UST: variants seen among roughly 807,000 people sequenced by gnomAD.
UST encodes the protein chondroitin sulfate 2-O-sulfotransferase.
In UST, 21 loss-of-function variants were observed where a neutral mutation model predicts 45.6. The observed-to-expected ratio is 0.46, with a 90% confidence interval of 0.33 to 0.66. UST has a LOEUF of 0.66. Among genes scored for constraint, UST ranks in the 30% least tolerant of loss-of-function variants. The probability of loss-of-function intolerance (pLI) is 0.02; values close to 1 mark genes in which losing one functional copy is unlikely to be tolerated. For missense variants in UST, 463 were observed against 512.4 expected, an observed-to-expected ratio of 0.90 and a Z score of 0.93; for synonymous variants, 215 against 200.6, an observed-to-expected ratio of 1.07 and a Z score of -0.61.
rs563472232 is a variant in UST, at chr6:149,032,091, C to G, written c.937+10610C>G. Among the ~76,000 whole-genome samples the G allele has an allele frequency of 6.6e-5, 10 of 152,274 alleles. 1 individual carries two copies. Among genetic ancestry groups the G allele is most frequent in the African/African-American group, 2.4e-4 (10 of 41,546 alleles). ...TCACTCACCCTGCCTTTAAGACGGC[C>G]CTACCAGAGGCAGGAGAAGGATCCG... On this transcript the variant is annotated intron_variant, in intron 7 of 7. Coordinates refer to ENST00000367463, the MANE Select transcript of UST (RefSeq NM_005715.3).
At chr6:149,040,870 G>A (rs1157795752) in intron 7 of UST, among the ~76,000 whole-genome samples, 1 of 152,064 alleles carries the variant, frequency 6.6e-6, no homozygotes, top group Non-Finnish European at 1.5e-5. Context: ...TGATCTGAAT[G>A]CATTTTCTCA....
At chr6:148,782,009 T>C (rs1053410283) in intron 1 of UST, among the ~76,000 whole-genome samples, 1 of 152,228 alleles carries the variant, frequency 6.6e-6, no homozygotes, top group Admixed American at 6.5e-5. Context: ...TTTTAATGCT[T>C]GCTAGCACAA....
At chr6:148,842,446 G>A (rs1167615739) in intron 1 of UST, among the ~76,000 whole-genome samples, 1 of 152,160 alleles carries the variant, frequency 6.6e-6, no homozygotes, top group Non-Finnish European at 1.5e-5. Flanking sequence ...ACTGGTTTTA[G>A]CTGCTTGTGT....
intron 1 of UST, among the ~76,000 whole-genome samples, chr6:148,886,527 A>G (rs12111290): frequency 0.012 from 1,874 of 152,320 alleles, 48 homozygotes; most frequent in African/African-American, 0.043. Flanking sequence ...CAATTTTAAG[A>G]CAAATTGGAG....
rs189018333 is a variant in UST, at chr6:148,959,325, C to G, written c.528-5085C>G. Among the ~76,000 whole-genome samples the G allele has an allele frequency of 1.3e-3, 201 of 152,318 alleles. 1 individual carries two copies. The highest frequency in any genetic ancestry group is 4.7e-3 in the African/African-American group (194 of 41,564). On this transcript the variant is annotated intron_variant, in intron 4 of 7. Transcript: ENST00000367463. ...TTTTTTATTCTTCTTAGCCAAGTGA[C>G]CAATTCAATTCTGTGCCCTTCAAAT...
rs540125609 is a variant in UST at position 149,041,573 on chromosome 6, G to T, written c.937+20092G>T. Among the ~76,000 whole-genome samples, 57 of 152,348 alleles carry T rather than the reference G, an allele frequency of 3.7e-4. 1 individual carries two copies. The highest frequency in any genetic ancestry group is 8.8e-5 in the Non-Finnish European group (6 of 68,040). ...ACCAGGCCTTCAGTTTAGTCATGGA[G>T]ATCCTTTCCACAGTGACACAGAGTG... On this transcript the variant is annotated intron_variant, in intron 7 of 7. Coordinates refer to ENST00000367463, the MANE Select transcript of UST (RefSeq NM_005715.3).
At chr6:148,943,994 A>T (rs1483880565) in intron 3 of UST, among the ~76,000 whole-genome samples, 2 of 152,250 alleles carry the variant, frequency 1.3e-5, no homozygotes, top group Non-Finnish European at 2.9e-5. Context: ...GTTCAACAAC[A>T]TTTAGAGAAA....
At chr6:148,989,425 A>T (rs9373583) in intron 5 of UST, among the ~76,000 whole-genome samples, 57,726 of 151,968 alleles carry the variant, frequency 0.38, 11,900 homozygotes, top group South Asian at 0.47. Flanking sequence ...CAACACTTAT[A>T]AACTGACTTA....
chr6:148,833,781 G>A (rs1777735313), intron 1 of UST, among the ~76,000 whole-genome samples: 1 of 152,112 alleles, frequency 6.6e-6, no homozygotes, highest in African/African-American at 2.4e-5. Flanking sequence ...CAACATGCAT[G>A]AATCTCAATA....
In UST at chr6:149,076,342, G is replaced by A. The variant is rs376326248; in HGVS notation, c.*2226G>A. 2.6e-5 allele frequency: 4 copies of A among 152,216 alleles called. No individual in the cohort carries two copies. Among genetic ancestry groups the A allele is most frequent in the African/African-American group, 9.7e-5 (4 of 41,450 alleles). The allele number at this position is 152,216 out of a possible 1,614,324, so 9.4% of individuals were successfully genotyped here. A position where few individuals can be genotyped will look rare whatever the true frequency, so the allele number is the denominator to read the frequency against. ...TGCAATCTCACAATCTGAAAATAAA[G>A]TTGAGTTGGCTGTGTTTTCTCTGCT... is the stretch of plus-strand genomic sequence containing the variant. On this transcript the variant is annotated 3_prime_UTR_variant, in exon 8 of 8. Coordinates refer to ENST00000367463, the MANE Select transcript of UST (RefSeq NM_005715.3).
At chr6:148,864,546 T>C (rs200774170) in intron 1 of UST, among the ~76,000 whole-genome samples, 2 of 152,176 alleles carry the variant, frequency 1.3e-5, no homozygotes, top group East Asian at 3.9e-4. Context: ...GGTACCTCAG[T>C]TGGAAATGCA....
chr6:148,754,175 T>C (rs977292807), intron 1 of UST, among the ~76,000 whole-genome samples: 1 of 152,002 alleles, frequency 6.6e-6, no homozygotes. Context: ...TTTTGTATTT[T>C]TTAGTAGAGA....
At chr6:148,989,214 CCCCCA>C (rs1397727836) in intron 5 of UST, among the ~76,000 whole-genome samples, 2 of 86,290 alleles carry the variant, frequency 2.3e-5, no homozygotes, top group African/African-American at 6.8e-5. Flanking sequence ...TAAAGGCCCC[CCCCCA>C]CCCCCCGCAA....
chr6:148,873,182 T>C (rs1172691794), intron 1 of UST, among the ~76,000 whole-genome samples: 1 of 152,208 alleles, frequency 6.6e-6, no homozygotes, highest in Non-Finnish European at 1.5e-5. Context: ...TTATATCAAA[T>C]ATTTCAAAGT....
At chr6:148,985,772 T>C (rs970904271) in intron 5 of UST, among the ~76,000 whole-genome samples, 14 of 152,278 alleles carry the variant, frequency 9.2e-5, no homozygotes, top group African/African-American at 3.4e-4. Context: ...CCTCAGAACC[T>C]AAAGCGCAAG....
At chr6:149,072,812 A>G (rs1416376860) in intron 7 of UST, among the ~76,000 whole-genome samples, 2 of 152,218 alleles carry the variant, frequency 1.3e-5, no homozygotes, top group East Asian at 3.8e-4. Flanking sequence ...AAGATAGAAC[A>G]TGGATTAGAG....
chr6:148,865,664 T>TTGTGTGTG (rs56252604), intron 1 of UST, among the ~76,000 whole-genome samples: 16 of 117,906 alleles, frequency 1.4e-4, no homozygotes, highest in African/African-American at 4.2e-4. Context: ...CTTGCTGAAA[T>TTGTGTGTG]TGTGTGTGTG....
rs559976661 is a variant in UST, at chr6:148,751,410, A to C, written c.247+3733A>C. Among the ~76,000 whole-genome samples, 7 of 152,302 alleles carry C rather than the reference A, an allele frequency of 4.6e-5. No individual in the cohort carries two copies. The South Asian group carries it at 1.2e-3, about 27-fold the overall frequency. On this transcript the variant is annotated intron_variant, in intron 1 of 7. Coordinates refer to ENST00000367463, the MANE Select transcript of UST (RefSeq NM_005715.3). ...GTGAGGAGTAGGCTGACGTGGGGCA[A>C]CCGGAAAGCATAGTGTGGGGAAGGA...
At chr6:148,972,332 AG>A (rs1217787612) in intron 5 of UST, among the ~76,000 whole-genome samples, 1 of 152,180 alleles carries the variant, frequency 6.6e-6, no homozygotes, top group Non-Finnish European at 1.5e-5. Flanking sequence ...ATGCAGCAGA[AG>A]TAAGGCTCTG....
Sources: allele counts gnomAD v4.1 joint callset (sites outside exome capture counted in the v4.1 genomes callset), GRCh38; gene constraint gnomAD v4.1.1; transcripts MANE v1.5; gene names NCBI Gene and HGNC (gene_info 2026-07-23, HGNC 2026-07-21).